Variants in CLTCL1 observed in about 807,000 individuals in gnomAD.
CLTCL1 encodes clathrin heavy chain 2.
A neutral mutation model predicts 190.0 loss-of-function variants in CLTCL1; 159 were observed. The observed-to-expected ratio is 0.84, with a 90% CI of 0.74 to 0.95. The LOEUF is 0.95. Among genes scored for constraint, CLTCL1 ranks in the 40% least tolerant of loss-of-function variants. The pLI is 0.00. For missense variants in CLTCL1, 1,878 were observed against 2,033.4 expected, an observed-to-expected ratio of 0.92 and a Z score of 1.47; for synonymous variants, 752 against 769.6, an observed-to-expected ratio of 0.98 and a Z score of 0.38.
At chr22:19,273,051 C>G (rs2087376728) in intron 2 of CLTCL1, among the ~76,000 whole-genome samples, 3 of 151,030 alleles carry the variant, frequency 2.0e-5, no homozygotes, top group Admixed American at 2.0e-4. Flanking sequence ...GCAGCACCCC[C>G]CCACACACCC....
intron 13 of CLTCL1, 77 bp downstream of exon 13, chr22:19,225,376 G>A (rs1164399940): frequency 7.0e-7 from 1 of 1,434,508 alleles, no homozygotes; most frequent in Admixed American, 2.3e-5. Flanking sequence ...CCGTCTTAAG[G>A]CGGGCAGGTA....
At chr22:19,210,865 T>C (rs885979) in intron 19 of CLTCL1, among the ~76,000 whole-genome samples, 103,679 of 151,952 alleles carry the variant, frequency 0.68, 36,847 homozygotes, top group African/African-American at 0.87. Context: ...ATCTACTGTA[T>C]TTCTAAGCAA....
intron 2 of CLTCL1, among the ~76,000 whole-genome samples, chr22:19,275,413 C>G (rs899655339): frequency 2.0e-5 from 3 of 151,514 alleles, no homozygotes; most frequent in African/African-American, 7.3e-5. Flanking sequence ...GTGTGTCTGG[C>G]GCTGTGGGTG....
chr22:19,289,473 G>A (rs13057106), intron 1 of CLTCL1, among the ~76,000 whole-genome samples: 2,895 of 152,296 alleles, frequency 0.019, 31 homozygotes, highest in Non-Finnish European at 0.029. Context: ...GGGAAAAAAT[G>A]GGGACAAAAG....
At chr22:19,191,490 G>A (rs1555932154) in intron 26 of CLTCL1, 55 bp from the exon 27 acceptor site, 5 of 1,596,156 alleles carry the variant, frequency 3.1e-6, no homozygotes, top group Non-Finnish European at 4.3e-6. Context: ...GATACCCCAG[G>A]GCTCCTTCCA....
chr22:19,240,655 G>A (rs1323565093), intron 4 of CLTCL1, among the ~76,000 whole-genome samples: 2 of 152,210 alleles, frequency 1.3e-5, no homozygotes, highest in Admixed American at 1.3e-4. Flanking sequence ...GCGTGAAGCA[G>A]GTCTGAGGAC....
chr22:19,222,467 T>C (rs2085604410), intron 15 of CLTCL1, among the ~76,000 whole-genome samples: 2 of 152,236 alleles, frequency 1.3e-5, no homozygotes, highest in Admixed American at 6.5e-5. Context: ...ACCCTGATCA[T>C]GGACTTCCAG....
At chr22:19,252,886 C>G (rs1443824940) in intron 3 of CLTCL1, among the ~76,000 whole-genome samples, 1 of 151,792 alleles carries the variant, frequency 6.6e-6, no homozygotes, top group African/African-American at 2.4e-5. Flanking sequence ...TGGTGGTGGG[C>G]GCCTGTAGTC....
chr22:19,283,222 A>C (rs1301795046), intron 1 of CLTCL1, among the ~76,000 whole-genome samples: 1 of 151,308 alleles, frequency 6.6e-6, no homozygotes, highest in Non-Finnish European at 1.5e-5. Context: ...AGGATTCCTG[A>C]TCCCTAGTAT....
At chr22:19,246,060 A>G (rs551024998) in intron 3 of CLTCL1, among the ~76,000 whole-genome samples, 15 of 151,420 alleles carry the variant, frequency 9.9e-5, no homozygotes, top group African/African-American at 3.7e-4. Context: ...TTCTGTGTTT[A>G]ACTTTTTTTT....
intron 26 of CLTCL1, among the ~76,000 whole-genome samples, chr22:19,192,221 A>G (rs565923575): frequency 6.6e-5 from 10 of 151,970 alleles, no homozygotes; most frequent in Non-Finnish European, 1.2e-4. Flanking sequence ...AGCTGCCACC[A>G]TGCCCGGCTA....
In CLTCL1 at chr22:19,198,281, C is replaced by T. The variant is rs577886187; in HGVS notation, c.3873+1453G>A. Among the ~76,000 whole-genome samples, 1 of 152,330 alleles carries T rather than the reference C, an allele frequency of 6.6e-6. No homozygotes were observed. Among genetic ancestry groups the T allele is most frequent in the African/African-American group, 2.4e-5 (1 of 41,580 alleles). ...ATGGCCTGATCACCTCTCACCCTGT[C>T]ACCACCACCCTAGTCAGAGTCACTG... is the stretch of plus-strand genomic sequence containing the variant. On this transcript the variant is annotated intron_variant, in intron 24 of 32. Transcript: ENST00000427926. This position sits in a 1 kb window ranked among gnomAD's most constrained non-coding sequence, Gnocchi z 4.1.
At chr22:19,185,349 C>T (rs1454064355) in intron 29 of CLTCL1, among the ~76,000 whole-genome samples, 6 of 141,420 alleles carry the variant, frequency 4.2e-5, no homozygotes, top group Non-Finnish European at 7.6e-5. Flanking sequence ...TTTCTTGAGA[C>T]GGAGTCTCGC....
intron 26 of CLTCL1, among the ~76,000 whole-genome samples, chr22:19,192,197 C>G (rs1268080876): frequency 6.6e-6 from 1 of 151,768 alleles, no homozygotes; most frequent in Admixed American, 6.6e-5. Flanking sequence ...TCCTGAGTAG[C>G]TGGGACTACA....
chr22:19,238,101 T>A (rs1470608383), intron 5 of CLTCL1, among the ~76,000 whole-genome samples: 3 of 152,078 alleles, frequency 2.0e-5, no homozygotes, highest in Non-Finnish European at 2.9e-5. Flanking sequence ...TTATTTATTT[T>A]TTGGAAATGA....
chr22:19,217,810 T>C (rs1555950356), intron 18 of CLTCL1, among the ~76,000 whole-genome samples: 1 of 147,466 alleles, frequency 6.8e-6, no homozygotes, highest in Non-Finnish European at 1.5e-5. Flanking sequence ...ATCACGCCAT[T>C]GCACTCCAGC....
chr22:19,188,108 A>ACC lies in CLTCL1; in HGVS notation c.4324-19_4324-18dup, dbSNP rs1191783975. 6.2e-7 allele frequency: 1 copy of ACC among 1,612,468 alleles called. No homozygotes were observed. Among genetic ancestry groups the ACC allele is most frequent in the Non-Finnish European group, 8.5e-7 (1 of 1,178,656 alleles). On this transcript the variant is annotated splice_polypyrimidine_tract_variant and intron_variant, in intron 27 of 32. Coordinates refer to ENST00000427926, the MANE Select transcript of CLTCL1 (RefSeq NM_007098.4). Reference sequence around the variant, plus strand: ...CTGACCTGCCTGACAAGTTGAGGGAACCGTCAAGGCACTTGGCCAAGCTTG... The same window carrying ACC: ...CTGACCTGCCTGACAAGTTGAGGGAACCCCGTCAAGGCACTTGGCCAAGCTTG...
intron 5 of CLTCL1, among the ~76,000 whole-genome samples, chr22:19,237,492 C>T (rs577764857): frequency 2.0e-4 from 30 of 152,290 alleles, no homozygotes; most frequent in Admixed American, 6.5e-4. Flanking sequence ...AACTGGCCAG[C>T]ATGGTCAGGA....
intron 2 of CLTCL1, among the ~76,000 whole-genome samples, chr22:19,271,068 G>T (rs2087300242): frequency 6.6e-6 from 1 of 151,962 alleles, no homozygotes; most frequent in African/African-American, 2.4e-5. Flanking sequence ...GGGCCTCCAG[G>T]GGGTGCCATT....
Sources: allele counts gnomAD v4.1 joint callset (sites outside exome capture counted in the v4.1 genomes callset), GRCh38; gene constraint gnomAD v4.1.1; non-coding constraint Gnocchi (gnomAD v3.1); transcripts MANE v1.5; gene names NCBI Gene and HGNC (gene_info 2026-07-23, HGNC 2026-07-21).